The following RYR2 variants were observed in gnomAD, a reference collection of about 807,000 sequenced individuals.
The protein encoded by RYR2 is cardiac muscle ryanodine receptor-calcium release channel.
In RYR2, 227 loss-of-function variants were observed where a neutral mutation model predicts 601.1. That is an observed-to-expected ratio of 0.38 (90% CI 0.34 to 0.42). RYR2 has a LOEUF of 0.42. Ranked by LOEUF, RYR2 falls within the 10% of genes least tolerant of loss-of-function variation. The pLI is 1.00. For synonymous variants in RYR2, 2,223 were observed against 2,175.1 expected (o/e 1.02, Z -0.61); for missense variants, 4,646 against 6,156.5 (o/e 0.75, Z 8.21).
chr1:237,270,929 T>C (rs769725933), intron 2 of RYR2, among the ~76,000 whole-genome samples: 2 of 152,220 alleles, frequency 1.3e-5, no homozygotes, highest in Non-Finnish European at 2.9e-5. Context: ...TAATGGATTA[T>C]TAAGTTTGTA....
chr1:237,537,530 G>T (rs551454250), intron 25 of RYR2, among the ~76,000 whole-genome samples: 1 of 152,236 alleles, frequency 6.6e-6, no homozygotes, highest in East Asian at 1.9e-4. Flanking sequence ...GGTCAGGCTG[G>T]TCTTGAGCTC....
rs753510394 is a variant in RYR2 at position 237,548,433 on chromosome 1, A to G, written c.2909A>G (p.Tyr970Cys). 12 of 1,613,460 alleles carry G rather than the reference A, an allele frequency of 7.4e-6. No individual in the cohort carries two copies. Among genetic ancestry groups the G allele is most frequent in the Non-Finnish European group, 8.5e-6 (10 of 1,179,730 alleles). ...KVKKMKLPKN[Y>C]QLTSGYKPAP... is the part of the protein sequence containing the mutation. ...ATTTCTTTGTCTCTGATTTGTAGTT[A>G]CCAGCTGACAAGTGGATACAAGCCT... Residue 970 changes from tyrosine to cysteine, a missense_variant and splice_region_variant, in exon 26 of 105, where the codon TAC (tyrosine) becomes TGC (cysteine). Physicochemically the swap from Tyr to Cys is radical, Grantham distance 194. This residue lies in a region of RYR2 where 1,807 missense variants were observed against 2,088.1 expected (regional missense o/e 0.87). Transcript: ENST00000366574.
At chr1:237,604,081 A>G (rs1193032813) in intron 35 of RYR2, among the ~76,000 whole-genome samples, 1 of 152,246 alleles carries the variant, frequency 6.6e-6, no homozygotes, top group Non-Finnish European at 1.5e-5. Context: ...CCTAATAGAC[A>G]TCTACAGAAC....
Position 237,732,035 on chromosome 1 carries a change from C to T in RYR2, c.10936-11C>T. 1 of 1,576,390 alleles carries T rather than the reference C, an allele frequency of 6.3e-7. No homozygotes were observed. Among genetic ancestry groups the T allele is most frequent in the Non-Finnish European group, 8.7e-7 (1 of 1,155,004 alleles). On this transcript the variant is annotated splice_polypyrimidine_tract_variant and intron_variant, in intron 77 of 104. Coordinates refer to ENST00000366574, the MANE Select transcript of RYR2 (RefSeq NM_001035.3). Reference sequence around the variant, plus strand: ...TTAATGTGACATTTTATAAATTTGACTTTTTTGCAGAAACCTGGGGCTGAA... The same window carrying T: ...TTAATGTGACATTTTATAAATTTGATTTTTTTGCAGAAACCTGGGGCTGAA...
chr1:237,081,647 TGTCTCTCTCA>T (rs1321067661), intron 1 of RYR2, among the ~76,000 whole-genome samples: 1 of 152,024 alleles, frequency 6.6e-6, no homozygotes, highest in Non-Finnish European at 1.5e-5. Context: ...TCCCTCTCTC[TGTCTCTCTCA>T]ATATTCCATC....
intron 1 of RYR2, among the ~76,000 whole-genome samples, chr1:237,265,978 T>A (rs1405289457): frequency 6.6e-6 from 1 of 152,192 alleles, no homozygotes; most frequent in Non-Finnish European, 1.5e-5. Context: ...CATCCAGAAT[T>A]TGTATAAAGA....
chr1:237,624,512 A>G (rs1241882742), intron 39 of RYR2, among the ~76,000 whole-genome samples: 1 of 152,184 alleles, frequency 6.6e-6, no homozygotes, highest in Admixed American at 6.5e-5. Flanking sequence ...AGTAACCTCA[A>G]TGAAGCTGTT....
chr1:237,219,704 A>G (rs1290359193), intron 1 of RYR2, among the ~76,000 whole-genome samples: 2 of 152,176 alleles, frequency 1.3e-5, no homozygotes, highest in Non-Finnish European at 2.9e-5. Flanking sequence ...TTCCTCCTGG[A>G]TAAGTGGAGA....
chr1:237,829,446 G>A (rs1663525488), intron 102 of RYR2, among the ~76,000 whole-genome samples: 1 of 152,154 alleles, frequency 6.6e-6, no homozygotes, highest in South Asian at 2.1e-4. Context: ...GATGGAGCAA[G>A]CAAGGGGATA....
chr1:237,511,343 A>G (rs1208789611), intron 23 of RYR2, among the ~76,000 whole-genome samples: 2 of 151,244 alleles, frequency 1.3e-5, no homozygotes, highest in Admixed American at 1.3e-4. Flanking sequence ...AGACTGTCCT[A>G]ATTAGACAAG....
Position 237,469,114 on chromosome 1 carries a change from TA to T in RYR2, c.1640del (p.Asn547ThrfsTer12). 1 of 1,613,538 alleles carries T rather than the reference TA, an allele frequency of 6.2e-7. No homozygotes were observed. Among genetic ancestry groups the T allele is most frequent in the Non-Finnish European group, 8.5e-7 (1 of 1,179,612 alleles). On this transcript the variant is annotated frameshift_variant, in exon 17 of 105. Coordinates refer to ENST00000366574, the MANE Select transcript of RYR2 (RefSeq NM_001035.3). LOFTEE classifies it high-confidence loss of function. ...CAGCGGCTCTAATTAGAGGAAATCG[TA>T]AAAACTGTGCTCAATTTTCTGGCTC... Reference protein sequence around the residue: ...LLAALIRGNRKNCAQFSGSLD... With the variant: ...LLAALIRGNRXNCAQFSGSLD...
At chr1:237,447,736 G>C (rs928298904) in intron 14 of RYR2, among the ~76,000 whole-genome samples, 4 of 149,418 alleles carry the variant, frequency 2.7e-5, no homozygotes, top group African/African-American at 1.0e-4. Context: ...CACACCTTTT[G>C]ATTTTCCTTT....
At chr1:237,489,645 G>A (rs974311009) in intron 17 of RYR2, among the ~76,000 whole-genome samples, 4 of 152,128 alleles carry the variant, frequency 2.6e-5, no homozygotes, top group Non-Finnish European at 4.4e-5. Context: ...TAACAAAAGC[G>A]AAACTCCATC....
At chr1:237,130,718 C>T (rs1158946593) in intron 1 of RYR2, among the ~76,000 whole-genome samples, 1 of 151,712 alleles carries the variant, frequency 6.6e-6, no homozygotes, top group Admixed American at 6.6e-5. Flanking sequence ...AAAAAGTCAT[C>T]TCACTAACTG....
intron 1 of RYR2, among the ~76,000 whole-genome samples, chr1:237,112,974 G>A (rs963854605): frequency 6.6e-6 from 1 of 151,876 alleles, no homozygotes; most frequent in Admixed American, 6.6e-5. Flanking sequence ...TAAGCTTCAC[G>A]GAACCTCAAC....
chr1:237,330,895 C>T lies in RYR2; in HGVS notation c.186C>T (p.Leu62=), dbSNP rs754375280. 5.6e-6 allele frequency: 9 copies of T among 1,613,980 alleles called. No homozygotes were observed. The East Asian group carries it at 1.6e-4, about 28-fold the overall frequency. The change falls in exon 3 of 105, where the codon CTC becomes CTT. Residue 62 remains leucine (L), a synonymous_variant. Transcript: ENST00000366574. ...TSNSKNVPPD[L]SICTFVLEQS... ...CTGTGCAGAATGTGCCCCCAGACCT[C>T]TCCATCTGCACCTTTGTGCTGGAGC...
intron 98 of RYR2, 42 bp downstream of exon 98, chr1:237,801,958 T>G (rs1407626217): frequency 2.5e-6 from 3 of 1,216,862 alleles, no homozygotes; most frequent in African/African-American, 3.0e-5. Flanking sequence ...GCACTCTGAT[T>G]AGATAAGACT....
intron 1 of RYR2, among the ~76,000 whole-genome samples, chr1:237,248,257 G>T: frequency 9.0e-6 from 1 of 110,898 alleles, no homozygotes; most frequent in Non-Finnish European, 1.7e-5. Context: ...TGACAATAGA[G>T]CAAGACTCCA....
At chr1:237,352,991 T>C (rs903148361) in intron 3 of RYR2, 1 of 402,572 alleles carries the variant, frequency 2.5e-6, no homozygotes, top group Non-Finnish European at 5.1e-6. Context: ...TTTAGTAGCT[T>C]TAGTAGCTTC....
Sources: allele counts gnomAD v4.1 joint callset (sites outside exome capture counted in the v4.1 genomes callset), GRCh38; gene constraint gnomAD v4.1.1; regional missense constraint gnomAD v4.1.1; transcripts MANE v1.5; gene names NCBI Gene and HGNC (gene_info 2026-07-23, HGNC 2026-07-21).